Variants in HIPK2 observed in about 807,000 individuals in gnomAD.
The protein encoded by HIPK2 is homeodomain interacting protein kinase 2, also known as homeodomain-interacting protein kinase 2.
Under a neutral mutation model 113.7 loss-of-function variants are expected in HIPK2, and 27 were observed. The observed-to-expected ratio is 0.24, with a 90% CI of 0.17 to 0.33. HIPK2 has a LOEUF of 0.33. HIPK2 is among the 10% of genes least tolerant of loss of function. The probability of loss-of-function intolerance (pLI) is 1.00; values close to 1 mark genes in which losing one functional copy is unlikely to be tolerated. For synonymous variants in HIPK2, 631 were observed against 642.2 expected, an observed-to-expected ratio of 0.98 and a Z score of 0.26; for missense variants, 1,257 against 1,588.0, an observed-to-expected ratio of 0.79 and a Z score of 3.54.
intron 1 of HIPK2, among the ~76,000 whole-genome samples, chr7:139,718,779 A>G (rs1012702422): frequency 2.6e-5 from 4 of 152,156 alleles, no homozygotes; most frequent in Non-Finnish European, 4.4e-5. Flanking sequence ...GTGCACACAC[A>G]AACTCCCAAC....
chr7:139,690,617 C>A (rs1339314853), intron 2 of HIPK2, among the ~76,000 whole-genome samples: 1 of 151,786 alleles, frequency 6.6e-6, no homozygotes, highest in Non-Finnish European at 1.5e-5. Context: ...TCGAGACCAG[C>A]CTGGGCAACA....
chr7:139,672,037 T>A (rs1421120803), intron 2 of HIPK2, among the ~76,000 whole-genome samples: 1 of 152,046 alleles, frequency 6.6e-6, no homozygotes, highest in Non-Finnish European at 1.5e-5. Flanking sequence ...TCTAGATTTT[T>A]ATAAAAGATT....
At chr7:139,702,766 C>T (rs1794749264) in intron 2 of HIPK2, among the ~76,000 whole-genome samples, 1 of 152,220 alleles carries the variant, frequency 6.6e-6, no homozygotes. Flanking sequence ...GCTGGATCAA[C>T]AACCCCACTC....
At chr7:139,708,207 T>C (rs2116897936) in intron 2 of HIPK2, among the ~76,000 whole-genome samples, 1 of 152,084 alleles carries the variant, frequency 6.6e-6, no homozygotes, top group Non-Finnish European at 1.5e-5. Flanking sequence ...CAAAGGATAA[T>C]AATAAAATAA....
At chr7:139,754,103 G>A (rs73474139) in intron 1 of HIPK2, among the ~76,000 whole-genome samples, 2,644 of 152,336 alleles carry the variant, frequency 0.017, 68 homozygotes, top group African/African-American at 0.059. Flanking sequence ...CAATTTAGGG[G>A]ACAGTCCTGC....
At chr7:139,573,847 CAA>C (rs372877209) in intron 14 of HIPK2, among the ~76,000 whole-genome samples, 17 of 100,252 alleles carry the variant, frequency 1.7e-4, no homozygotes, top group African/African-American at 3.0e-4. Context: ...AACTCTGTCT[CAA>C]AAAAAAAAAA....
intron 1 of HIPK2, among the ~76,000 whole-genome samples, chr7:139,720,300 G>T (rs557521463): frequency 1.4e-4 from 21 of 152,258 alleles, no homozygotes; most frequent in Admixed American, 1.3e-3. Flanking sequence ...TCTGACTTCA[G>T]CTCTGACTTC....
At chr7:139,776,944 T>TCGA (rs1037301697) in intron 1 of HIPK2, 1 of 152,134 alleles carries the variant, frequency 6.6e-6, no homozygotes, top group African/African-American at 2.4e-5. Context: ...ACAACACAGA[T>TCGA]CGACCCAGAC....
chr7:139,681,587 C>A (rs1274695889), intron 2 of HIPK2, among the ~76,000 whole-genome samples: 3 of 152,156 alleles, frequency 2.0e-5, no homozygotes, highest in Non-Finnish European at 4.4e-5. Flanking sequence ...TGCTCAACAT[C>A]ACCTGAGAAC....
chr7:139,584,518 A>T (rs1346472818), intron 12 of HIPK2, among the ~76,000 whole-genome samples: 3 of 152,246 alleles, frequency 2.0e-5, no homozygotes, highest in Non-Finnish European at 4.4e-5. Context: ...AGAATGTCAT[A>T]AGCTTAGGTT....
chr7:139,654,736 G>A lies in HIPK2; in HGVS notation c.1104-23011C>T, dbSNP rs1431609915. 2.6e-5 allele frequency among the ~76,000 whole-genome samples: 4 copies of A among 152,208 alleles called. No individual in the cohort carries two copies. The East Asian group carries it at 7.7e-4, about 29-fold the overall frequency. On this transcript the variant is annotated intron_variant, in intron 2 of 14. Transcript: ENST00000406875. ...GGGAAGGACAAAGCGCAACATGGAC[G>A]CTCACGAGTCCAGCCAAATTCTGAG...
intron 1 of HIPK2, among the ~76,000 whole-genome samples, chr7:139,774,219 T>C (rs1046343518): frequency 8.5e-5 from 13 of 152,156 alleles, no homozygotes; most frequent in African/African-American, 2.7e-4. Flanking sequence ...TCTCAGAAGA[T>C]AGAGGGATTT....
At chr7:139,746,269 C>G (rs1031179833) in intron 1 of HIPK2, among the ~76,000 whole-genome samples, 2 of 152,218 alleles carry the variant, frequency 1.3e-5, no homozygotes, top group African/African-American at 4.8e-5. Flanking sequence ...CTGTGTGGGG[C>G]AACCTCGAGC....
At chr7:139,674,593 C>CTAG (rs1356702405) in intron 2 of HIPK2, among the ~76,000 whole-genome samples, 5 of 152,256 alleles carry the variant, frequency 3.3e-5, no homozygotes, top group African/African-American at 1.2e-4. Context: ...CAGCATGGTG[C>CTAG]TAGCCCAAAG....
intron 2 of HIPK2, among the ~76,000 whole-genome samples, chr7:139,646,122 C>T (rs574794772): frequency 6.6e-6 from 1 of 152,270 alleles, no homozygotes; most frequent in Non-Finnish European, 1.5e-5. Context: ...TGAAGTGCAA[C>T]AGACACAGGC....
Position 139,596,749 on chromosome 7 carries a change from G to A in HIPK2, c.2685C>T (p.Asp895=), listed in dbSNP as rs371213842. 14 of 1,613,026 alleles carry A rather than the reference G, an allele frequency of 8.7e-6. No individual in the cohort carries two copies. The highest frequency in any genetic ancestry group is 1.1e-5 in the Non-Finnish European group (13 of 1,179,154). Residue 895 remains aspartate (D), a synonymous_variant, in exon 12 of 15, where the codon GAC becomes GAT. Coordinates refer to ENST00000406875, the MANE Select transcript of HIPK2 (RefSeq NM_022740.5). ...VSVITISSDT[D]EEEEQKHAPT... Reference sequence around the variant, plus strand: ...GGGCGTGTTTCTGTTCCTCCTCCTCGTCCGTGTCACTGCTGATGGTGATGA... The same window carrying A: ...GGGCGTGTTTCTGTTCCTCCTCCTCATCCGTGTCACTGCTGATGGTGATGA...
intron 2 of HIPK2, among the ~76,000 whole-genome samples, chr7:139,646,532 A>G (rs1477140176): frequency 6.6e-6 from 1 of 151,486 alleles, no homozygotes; most frequent in Non-Finnish European, 1.5e-5. Flanking sequence ...AAAGAAAGAA[A>G]AGAAAGTTTT....
intron 1 of HIPK2, among the ~76,000 whole-genome samples, chr7:139,756,260 A>G (rs1796361444): frequency 1.3e-5 from 2 of 152,266 alleles, no homozygotes; most frequent in South Asian, 4.1e-4. Flanking sequence ...TGATTTAATT[A>G]AAATACCTTT....
At chr7:139,697,432 C>T (rs910286872) in intron 2 of HIPK2, among the ~76,000 whole-genome samples, 7 of 152,098 alleles carry the variant, frequency 4.6e-5, no homozygotes, top group Admixed American at 1.3e-4. Flanking sequence ...GCTCCTATGG[C>T]GACGACACAA....
Sources: allele counts gnomAD v4.1 joint callset (sites outside exome capture counted in the v4.1 genomes callset), GRCh38; gene constraint gnomAD v4.1.1; transcripts MANE v1.5; gene names NCBI Gene and HGNC (gene_info 2026-07-23, HGNC 2026-07-21).